CFAP97: variants seen among roughly 807,000 people sequenced by gnomAD.
CFAP97 encodes cilia- and flagella-associated protein 97.
CFAP97 carries 36 observed loss-of-function variants against 43.1 expected under a neutral mutation model. The ratio of observed to expected loss-of-function variants is 0.84; its 90% CI spans 0.64 to 1.10. The LOEUF (loss-of-function observed/expected upper bound fraction) is 1.10, where lower values mean the gene tolerates loss of function less well. Among genes scored for constraint, CFAP97 ranks in the 50% least tolerant of loss-of-function variants. The pLI is 0.00. For missense variants in CFAP97, 657 were observed against 620.3 expected, an observed-to-expected ratio of 1.06 and a Z score of -0.63; for synonymous variants, 228 against 225.7, an observed-to-expected ratio of 1.01 and a Z score of -0.09.
chr4:185,163,342 G>A (rs770808881), intron 4 of CFAP97, among the ~76,000 whole-genome samples: 1 of 152,164 alleles, frequency 6.6e-6, no homozygotes, highest in Non-Finnish European at 1.5e-5. Context: ...AGTCTTGAGA[G>A]TTGAAGACTC....
At chr4:185,196,230 T>C (rs887691545) in intron 1 of CFAP97, among the ~76,000 whole-genome samples, 1 of 152,126 alleles carries the variant, frequency 6.6e-6, no homozygotes, top group South Asian at 2.1e-4. Context: ...TCCCAGCACT[T>C]TGGGAGGCCG....
intron 1 of CFAP97, among the ~76,000 whole-genome samples, chr4:185,194,618 C>T (rs1736455101): frequency 6.6e-6 from 1 of 152,208 alleles, no homozygotes; most frequent in South Asian, 2.1e-4. Context: ...GCCTCCAACT[C>T]CTGGGCTCAA....
chr4:185,188,468 G>A (rs920916843), intron 2 of CFAP97, among the ~76,000 whole-genome samples: 3 of 151,842 alleles, frequency 2.0e-5, no homozygotes, highest in Non-Finnish European at 1.5e-5. Context: ...TCAGCCTCCC[G>A]AGTACCTGAG....
At chr4:185,187,321 A>G (rs1736043303) in intron 2 of CFAP97, among the ~76,000 whole-genome samples, 1 of 152,212 alleles carries the variant, frequency 6.6e-6, no homozygotes, top group South Asian at 2.1e-4. Flanking sequence ...TCAGTCTACA[A>G]ATACTGTCTA....
At chr4:185,204,528 A>G (rs977088568), upstream of CFAP97, 3 of 152,202 alleles carry the variant, frequency 2.0e-5, no homozygotes, top group Non-Finnish European at 4.4e-5. Context: ...GAATACAATA[A>G]CTTCTCGTTG....
intron 2 of CFAP97, among the ~76,000 whole-genome samples, chr4:185,188,975 C>T (rs900646018): frequency 3.3e-5 from 5 of 152,162 alleles, no homozygotes; most frequent in African/African-American, 1.2e-4. Context: ...CAGTGGCGTG[C>T]ACCCATAATC....
chr4:185,179,208 A>G (rs1302736687), intron 2 of CFAP97, among the ~76,000 whole-genome samples: 1 of 152,140 alleles, frequency 6.6e-6, no homozygotes, highest in Non-Finnish European at 1.5e-5. Flanking sequence ...CTGGATCTCA[A>G]GTTAGGGGCA....
chr4:185,191,553 C>T (rs763250648), intron 1 of CFAP97, among the ~76,000 whole-genome samples: 15 of 152,100 alleles, frequency 9.9e-5, no homozygotes, highest in Non-Finnish European at 1.8e-4. Flanking sequence ...AGAAAAAGGC[C>T]GGGCGCGGTG....
upstream of CFAP97, among the ~76,000 whole-genome samples, chr4:185,208,821 A>G (rs1350332538): frequency 6.6e-6 from 1 of 152,270 alleles, no homozygotes; most frequent in African/African-American, 2.4e-5. Flanking sequence ...TATTAGTCTT[A>G]GCAGTAATTG....
chr4:185,165,228 G>A (rs76943847), intron 3 of CFAP97, among the ~76,000 whole-genome samples: 3,824 of 152,296 alleles, frequency 0.025, 71 homozygotes, highest in Middle Eastern at 0.071. Context: ...GCGGGTGGAT[G>A]ACCTGCTTGA....
At chr4:185,188,419 T>C (rs1026584042) in intron 2 of CFAP97, among the ~76,000 whole-genome samples, 5 of 151,946 alleles carry the variant, frequency 3.3e-5, no homozygotes, top group African/African-American at 1.2e-4. Flanking sequence ...CTCAGCTCAC[T>C]GCAAACTCCG....
chr4:185,209,988 C>T (rs1737478064), upstream of CFAP97: 11 of 983,490 alleles, frequency 1.1e-5, 1 homozygote, highest in South Asian at 4.6e-4. This position sits in a 1 kb window ranked among gnomAD's most constrained non-coding sequence, Gnocchi z 5.2. Context: ...CCCCGGGCGG[C>T]CGGAGCTGGT....
intron 2 of CFAP97, among the ~76,000 whole-genome samples, chr4:185,187,039 T>A (rs1736031781): frequency 6.6e-6 from 1 of 152,124 alleles, no homozygotes; most frequent in Admixed American, 6.6e-5. Flanking sequence ...GACTGGAAAG[T>A]GGCCATAAGA....
At chr4:185,177,989 T>A (rs1419026588) in intron 2 of CFAP97, among the ~76,000 whole-genome samples, 1 of 152,102 alleles carries the variant, frequency 6.6e-6, no homozygotes, top group Non-Finnish European at 1.5e-5. Context: ...TAAAAAATAA[T>A]TAACAGTGGC....
intron 3 of CFAP97, among the ~76,000 whole-genome samples, chr4:185,168,497 C>T (rs553452025): frequency 6.6e-6 from 1 of 151,648 alleles, no homozygotes; most frequent in South Asian, 2.1e-4. Context: ...ATCCCAGCTA[C>T]TTGGGAGGCT....
intron 1 of CFAP97, among the ~76,000 whole-genome samples, chr4:185,202,217 C>A (rs552777992): frequency 6.6e-6 from 1 of 152,126 alleles, no homozygotes; most frequent in African/African-American, 2.4e-5. Flanking sequence ...TTGCTACCCA[C>A]GAGGGTAGAA....
intron 2 of CFAP97, among the ~76,000 whole-genome samples, chr4:185,183,475 A>T (rs1383112862): frequency 6.6e-6 from 1 of 152,248 alleles, no homozygotes; most frequent in East Asian, 1.9e-4. Context: ...TAGAAGTGAT[A>T]AAGTGTATTG....
In CFAP97 at chr4:185,162,901, G is replaced by C; in HGVS notation, c.1496C>G (p.Thr499Arg). 1 of 1,589,360 alleles carries C rather than the reference G, an allele frequency of 6.3e-7. No individual in the cohort carries two copies. The highest frequency in any genetic ancestry group is 8.5e-7 in the Non-Finnish European group (1 of 1,171,486). Residue 499 changes from threonine to arginine, a missense_variant, in exon 5 of 5, where the codon ACG becomes AGG. Thr to Arg is a moderately conservative substitution (Grantham distance 71). Coordinates refer to ENST00000458385, the MANE Select transcript of CFAP97 (RefSeq NM_020827.3). ...CTCACTCCTACAACTGAGACCACTC[G>C]TAGCACTGGATGTCCTGGAAGCTCC... is the stretch of plus-strand genomic sequence containing the variant. ...PLRASRTSSATSGLSCRSERS... is the reference protein window; with the variant it reads ...PLRASRTSSARSGLSCRSERS...
chr4:185,204,987 G>A (rs1053538604), upstream of CFAP97, among the ~76,000 whole-genome samples: 19 of 152,244 alleles, frequency 1.2e-4, no homozygotes, highest in African/African-American at 3.9e-4. Context: ...ATACAATCCA[G>A]TAGTTAATAA....
Sources: allele counts gnomAD v4.1 joint callset (sites outside exome capture counted in the v4.1 genomes callset), GRCh38; gene constraint gnomAD v4.1.1; non-coding constraint Gnocchi (gnomAD v3.1); transcripts MANE v1.5; gene names NCBI Gene and HGNC (gene_info 2026-07-23, HGNC 2026-07-21).